Variants in SLC66A1 observed in about 807,000 individuals in gnomAD.
SLC66A1 encodes the protein solute carrier family 66 member 1, also known as lysosomal amino acid transporter 1 homolog.
In SLC66A1, 23 loss-of-function variants were observed where a neutral mutation model predicts 33.0. The observed-to-expected ratio is 0.70, with a 90% CI of 0.50 to 0.99. SLC66A1 has a LOEUF of 0.99. Ranked by LOEUF, SLC66A1 falls within the 50% of genes least tolerant of loss-of-function variation. The pLI is 0.00. For synonymous variants in SLC66A1, 164 were observed against 175.5 expected (o/e 0.93, Z 0.52); for missense variants, 335 against 383.6 (o/e 0.87, Z 1.06).
chr1:19,327,440 G>A (rs759476245), intron 7 of SLC66A1, 28 bp downstream of exon 7: 2 of 1,569,692 alleles, frequency 1.3e-6, no homozygotes, highest in South Asian at 1.2e-5. Flanking sequence ...TGGGGCAGGT[G>A]GCGGGGTGTG....
At position 19,326,345 on chromosome 1, in the gene SLC66A1, C is replaced by A. The variant is rs1360198157; in HGVS notation, c.483C>A (p.Ala161=). 21 of 1,606,570 alleles carry A rather than the reference C, an allele frequency of 1.3e-5. No individual in the cohort carries two copies. In the Admixed American group the frequency reaches 3.5e-4, roughly 27 times the overall value. Residue 161 remains alanine, a synonymous_variant, in exon 5 of 8, where the codon GCC becomes GCA. Transcript: ENST00000375153. ...AAGPVAAPRE[A]FRGRALLSVE... Reference sequence around the variant, plus strand: ...GGCCCGTGGCTGCCCCTAGGGAAGCCTTCCGGGGGCGGGCGCTCCTGTCCG... The same window carrying A: ...GGCCCGTGGCTGCCCCTAGGGAAGCATTCCGGGGGCGGGCGCTCCTGTCCG...
intron 1 of SLC66A1, chr1:19,313,110 A>T: frequency 1.3e-6 from 1 of 761,288 alleles, no homozygotes; most frequent in Non-Finnish European, 1.6e-6. Context: ...TGTCTCATTT[A>T]ACTCTGCAGT....
chr1:19,322,682 A>C (rs1428031620), intron 2 of SLC66A1, among the ~76,000 whole-genome samples: 2 of 151,838 alleles, frequency 1.3e-5, no homozygotes, highest in African/African-American at 2.4e-5. Context: ...GGGAAAGATG[A>C]CTCCGAGGTC....
intron 2 of SLC66A1, among the ~76,000 whole-genome samples, chr1:19,318,415 C>A (rs1489207594): frequency 6.6e-6 from 1 of 152,172 alleles, no homozygotes; most frequent in Non-Finnish European, 1.5e-5. Context: ...GGGCGTGTCA[C>A]CTCACTGCTC....
In SLC66A1 at chr1:19,326,600, C is replaced by T. The variant is rs963409017; in HGVS notation, c.595C>T (p.Arg199Trp). ...CTCCAGCGTGTTGTACCTGCTTTCC[C>T]GGCTGCCTCAGATCCGCACCAACGT... The part of the protein sequence containing the change: ...SISSVLYLLS[R>W]LPQIRTNFLR... Residue 199 changes from arginine to tryptophan, a missense_variant, in exon 6 of 8, where the codon CGG becomes TGG. Transcript: ENST00000375153. The T allele has an allele frequency of 5.6e-6, 9 of 1,614,076 alleles. No homozygotes were observed. The highest frequency in any genetic ancestry group is 2.7e-5 in the African/African-American group (2 of 74,950).
intron 3 of SLC66A1, 68 bp downstream of exon 3, chr1:19,324,830 A>G: frequency 1.3e-6 from 2 of 1,579,350 alleles, no homozygotes; most frequent in Non-Finnish European, 1.7e-6. Context: ...TTGCCTGAGG[A>G]GATGCCAGGC....
chr1:19,326,681 C>A, intron 6 of SLC66A1, 58 bp downstream of exon 6: 1 of 1,557,662 alleles, frequency 6.4e-7, no homozygotes, highest in South Asian at 1.1e-5. Flanking sequence ...CCTGGCCACC[C>A]GGGCCCTCTG....
downstream of SLC66A1, among the ~76,000 whole-genome samples, chr1:19,332,108 G>A (rs750816930): frequency 4.6e-5 from 7 of 152,176 alleles, no homozygotes; most frequent in Non-Finnish European, 8.8e-5. Flanking sequence ...CCCCAAGGAG[G>A]ATTCAAACTG....
intron 4 of SLC66A1, 150 bp from the exon 5 acceptor site, chr1:19,326,095 C>G (rs530036167): frequency 7.1e-6 from 5 of 706,330 alleles, no homozygotes; most frequent in Non-Finnish European, 9.4e-6. Flanking sequence ...TGTACCCATT[C>G]GACAGATGAA....
At chr1:19,322,667 G>A (rs1226004665) in intron 2 of SLC66A1, among the ~76,000 whole-genome samples, 1 of 152,146 alleles carries the variant, frequency 6.6e-6, no homozygotes, top group African/African-American at 2.4e-5. Flanking sequence ...GACATTTCCT[G>A]AGACGGGAAA....
At chr1:19,330,532 G>A (rs1569817861), downstream of SLC66A1, among the ~76,000 whole-genome samples, 2 of 152,192 alleles carry the variant, frequency 1.3e-5, no homozygotes, top group East Asian at 3.9e-4. Flanking sequence ...CAGGAAATGA[G>A]CAGATGAGAC....
At chr1:19,321,238 A>G (rs2152005752) in intron 2 of SLC66A1, among the ~76,000 whole-genome samples, 1 of 123,852 alleles carries the variant, frequency 8.1e-6, no homozygotes, top group South Asian at 2.6e-4. Flanking sequence ...CAGTAGTGTG[A>G]TCACATAGCT....
intron 1 of SLC66A1, among the ~76,000 whole-genome samples, chr1:19,313,448 C>T (rs1189248655): frequency 1.3e-5 from 2 of 152,192 alleles, no homozygotes; most frequent in African/African-American, 4.8e-5. Context: ...AAATGCACAA[C>T]CCAGGGTGGG....
intron 6 of SLC66A1, 43 bp downstream of exon 6, chr1:19,326,666 G>A (rs1569798895): frequency 6.3e-7 from 1 of 1,591,474 alleles, no homozygotes; most frequent in Non-Finnish European, 8.6e-7. Context: ...GTAGAGGAGA[G>A]CTGGCCTGGC....
chr1:19,317,382 A>C (rs915302617), intron 1 of SLC66A1, among the ~76,000 whole-genome samples: 6 of 152,328 alleles, frequency 3.9e-5, no homozygotes, highest in African/African-American at 1.4e-4. Context: ...CTGCAGATCC[A>C]GCACGCTGCC....
At chr1:19,315,833 T>G (rs190044146) in intron 1 of SLC66A1, among the ~76,000 whole-genome samples, 2 of 152,190 alleles carry the variant, frequency 1.3e-5, no homozygotes, top group Admixed American at 6.5e-5. Flanking sequence ...AGCAGGGGTG[T>G]AGGTCTGAGT....
chr1:19,320,047 C>T (rs535595273), intron 2 of SLC66A1, among the ~76,000 whole-genome samples: 2 of 151,600 alleles, frequency 1.3e-5, no homozygotes, highest in Non-Finnish European at 2.9e-5. Context: ...CAGGCATGCG[C>T]CACCATGCCT....
In SLC66A1 at chr1:19,327,242, AC is replaced by A; in HGVS notation, c.637del (p.Gln213ArgfsTer11). On this transcript the variant is annotated frameshift_variant, in exon 7 of 8. Coordinates refer to ENST00000375153, the MANE Select transcript of SLC66A1 (RefSeq NM_001040125.2). LOFTEE classifies it high-confidence loss of function. ...QIRTNFLRKS[T>X]QGISYSLFAL... ...CCTGCCCCAGTTCCTCCGGAAGTCC[AC>A]CCAGGGGATCTCCTACTCTCTGTTC... 1 of 1,613,548 alleles carries A rather than the reference AC, an allele frequency of 6.2e-7. No homozygotes were observed.
chr1:19,317,412 C>CGT (rs1553261477), intron 1 of SLC66A1, among the ~76,000 whole-genome samples, 188 bp from the exon 2 acceptor site: 1 of 152,202 alleles, frequency 6.6e-6, no homozygotes, highest in Non-Finnish European at 1.5e-5. Context: ...CTGTAGTTGG[C>CGT]GTGTGTTTGC....
Sources: gnomAD v4.1 joint callset for allele counts (sites outside exome capture counted in the v4.1 genomes callset) on GRCh38, gnomAD v4.1.1 for gene constraint, MANE v1.5 for transcripts, NCBI Gene and HGNC (gene_info 2026-07-23, HGNC 2026-07-21) for gene names.